The following IBA57 variants were observed in gnomAD, a reference collection of about 807,000 sequenced individuals.
The protein encoded by IBA57 is iron-sulfur cluster assembly factor IBA57.
IBA57 carries 20 observed loss-of-function variants against 20.4 expected under a neutral mutation model. The ratio of observed to expected loss-of-function variants is 0.98; its 90% CI spans 0.69 to 1.42. IBA57 has a LOEUF of 1.42. Among genes scored for constraint, IBA57 ranks in the 40% most tolerant of loss-of-function variants. IBA57 has a pLI of 0.00. For synonymous variants in IBA57, 310 were observed against 233.9 expected (o/e 1.33, Z -2.97); for missense variants, 608 against 499.3 (o/e 1.22, Z -2.07).
chr1:228,175,479 C>T lies in IBA57; in HGVS notation c.1037C>T (p.Ser346Phe). 4 of 1,587,614 alleles carry T rather than the reference C, an allele frequency of 2.5e-6. No individual in the cohort carries two copies. Among genetic ancestry groups the T allele is most frequent in the Non-Finnish European group, 3.4e-6 (4 of 1,164,452 alleles). Residue 346 changes from serine to phenylalanine, a missense_variant, in exon 3 of 3, where the codon TCT becomes TTT. Ser to Phe is a radical substitution (Grantham distance 155). Transcript: ENST00000366711. ...SEGAQVALAA[S>F]VPDWWPTVSK ...GGTGCCCAGGTGGCCTTAGCCGCATCTGTGCCAGACTGGTGGCCTACAGTC... is the reference window on the plus strand; with the variant it reads ...GGTGCCCAGGTGGCCTTAGCCGCATTTGTGCCAGACTGGTGGCCTACAGTC...
chr1:228,173,868 CAG>C (rs2034960406), intron 1 of IBA57, among the ~76,000 whole-genome samples: 1 of 152,224 alleles, frequency 6.6e-6, no homozygotes, highest in Non-Finnish European at 1.5e-5. Flanking sequence ...CCTGGGCAAA[CAG>C]GGTCTGTCTG....
Position 228,175,011 on chromosome 1 carries a change from C to T in IBA57, c.661C>T (p.Gln221Ter). The change falls in exon 2 of 3, where the codon CAG (glutamine) becomes TAG (stop). Residue 221 changes from glutamine (Q) to a stop codon, truncating the protein, a stop_gained. Transcript: ENST00000366711. LOFTEE classifies it low-confidence loss of function (END_TRUNC). ...GCTCGGGGACTTGTGGGATTATCAC[C>T]AGCACCGATACCTGCAAGGTATGGG... ...GRLGDLWDYH[Q>*]HRYLQGVPEG... The T allele has an allele frequency of 1.3e-6, 2 of 1,552,594 alleles. No individual in the cohort carries two copies. The highest frequency in any genetic ancestry group is 1.7e-4 in the Middle Eastern group (1 of 5,752).
chr1:228,168,795 A>C (rs2034887271), intron 1 of IBA57, among the ~76,000 whole-genome samples: 3 of 152,124 alleles, frequency 2.0e-5, no homozygotes, highest in Admixed American at 1.3e-4. Context: ...ATGTGACACA[A>C]CGTCACAGGC....
rs1364436691 is a variant in IBA57 at position 228,174,971 on chromosome 1, GGTGCCCGGGGGCCGGCTCGGGGACTT to G, written c.625_650del (p.Pro209GlyfsTer13). ...TCACCCAGGATGAAGGCCCAGCCCTGGTGCCCGGGGGCCGGCTCGGGGACTTGTGGGATTATCACCAGCACCGATAC... is the reference window on the plus strand; with the variant it reads ...TCACCCAGGATGAAGGCCCAGCCCTGGTGGGATTATCACCAGCACCGATAC... On this transcript the variant is annotated frameshift_variant, in exon 2 of 3. Coordinates refer to ENST00000366711, the MANE Select transcript of IBA57 (RefSeq NM_001010867.4). LOFTEE classifies it high-confidence loss of function. The G allele has an allele frequency of 7.7e-6, 12 of 1,558,576 alleles. No individual in the cohort carries two copies. The African/African-American group carries it at 1.5e-4, about 19-fold the overall frequency.
intron 1 of IBA57, chr1:228,172,890 G>C (rs548549392): frequency 1.9e-4 from 29 of 152,550 alleles, no homozygotes; most frequent in Non-Finnish European, 2.9e-4. Context: ...CTGCCCCTCT[G>C]TGCTGTCCTT....
In IBA57 at chr1:228,174,906, A is replaced by T; in HGVS notation, c.556A>T (p.Ile186Phe). Residue 186 changes from isoleucine (I) to phenylalanine (F), a missense_variant, in exon 2 of 3, where the codon ATC becomes TTC. Physicochemically the swap from Ile to Phe is conservative, Grantham distance 21. Transcript: ENST00000366711. ...GAGGGCAGGGGCTGCCGCCATCCTC[A>T]TCCGCGACCCGCGAACAGCACGCAT... The part of the protein sequence containing the change: ...QERAGAAAIL[I>F]RDPRTARMGW... 6.2e-7 allele frequency: 1 copy of T among 1,602,430 alleles called. No individual in the cohort carries two copies. The highest frequency in any genetic ancestry group is 8.5e-7 in the Non-Finnish European group (1 of 1,174,168).
In IBA57 at chr1:228,165,947, C is replaced by T. The variant is rs2034842767; in HGVS notation, c.131C>T (p.Ala44Val). 1.0e-5 allele frequency: 15 copies of T among 1,503,376 alleles called. No homozygotes were observed. Among genetic ancestry groups the T allele is most frequent in the African/African-American group, 1.4e-5 (1 of 69,102 alleles). The allele number at this position is 1,503,376 out of a possible 1,614,324, so 93.1% of individuals were successfully genotyped here. ...TGCAGTCCTGGTGGCGACCCAACGG[C>T]CGGAGCGGCCTGGGCCTGCTTCCGG... The part of the protein sequence containing the change: ...SSCSPGGDPT[A>V]GAAWACFRLD... Residue 44 changes from alanine (A) to valine (V), a missense_variant, in exon 1 of 3, where the codon GCC becomes GTC. Ala to Val is a moderately conservative substitution (Grantham distance 64, BLOSUM62 0). Coordinates refer to ENST00000366711, the MANE Select transcript of IBA57 (RefSeq NM_001010867.4).
intron 1 of IBA57, among the ~76,000 whole-genome samples, chr1:228,174,155 G>A (rs1180963835): frequency 7.2e-6 from 1 of 138,498 alleles, no homozygotes; most frequent in African/African-American, 2.8e-5. Context: ...CTGTGGGCGT[G>A]GCTCGCTGTG....
rs1241967184 is a variant in IBA57 at position 228,175,969 on chromosome 1, G to C, written c.*456G>C. ...CTCGGGCTTTGGGAGTTGTTTCACT[G>C]TGCTTGCTTCCAGCATGTCTCAGGG... On this transcript the variant is annotated 3_prime_UTR_variant, in exon 3 of 3. Coordinates refer to ENST00000366711, the MANE Select transcript of IBA57 (RefSeq NM_001010867.4). 1 of 163,098 alleles carries C rather than the reference G, an allele frequency of 6.1e-6. No homozygotes were observed. The highest frequency in any genetic ancestry group is 2.4e-5 in the African/African-American group (1 of 41,638). 10.1% of individuals were successfully genotyped at this position (163,098 alleles called of 1,614,324 possible).
chr1:228,180,146 ACT>A lies in IBA57; in HGVS notation c.*4636_*4637del, dbSNP rs2035084472. The A allele has an allele frequency of 8.7e-6, 1 of 115,488 alleles. No individual in the cohort carries two copies. Among genetic ancestry groups the A allele is most frequent in the Non-Finnish European group, 1.7e-5 (1 of 59,986 alleles). The allele number at this position is 115,488 out of a possible 1,614,324, so 7.2% of individuals were successfully genotyped here. A position where few individuals can be genotyped will look rare whatever the true frequency, so the allele number is the denominator to read the frequency against. ...ACTCCAGCCTGGGCAATAGAATGAG[ACT>A]CTGTCTCAAAAAAAAAAAAAAAAAA... On this transcript the variant is annotated 3_prime_UTR_variant, in exon 3 of 3. Coordinates refer to ENST00000366711, the MANE Select transcript of IBA57 (RefSeq NM_001010867.4).
rs1347308597 is a variant in IBA57 at position 228,170,546 on chromosome 1, G to C, written c.342-4146G>C. 3.9e-5 allele frequency among the ~76,000 whole-genome samples: 6 copies of C among 152,164 alleles called. No individual in the cohort carries two copies. In the East Asian group the frequency reaches 1.2e-3, roughly 29 times the overall value. ...GGGCTCAGGCGATTCTCCTGCCTCA[G>C]CTTCACAAAGTGTTGGGATTGCGGG... On this transcript the variant is annotated intron_variant, in intron 1 of 2. Transcript: ENST00000366711. The surrounding 1 kb of genome is among the most constrained non-coding windows in gnomAD (Gnocchi z 4.8).
chr1:228,174,740 C>G lies in IBA57; in HGVS notation c.390C>G (p.Ser130Arg), dbSNP rs770665164. The change falls in exon 2 of 3, where the codon AGC becomes AGG. Residue 130 changes from serine to arginine, a missense_variant. Physicochemically the swap from Ser to Arg is moderately radical, Grantham distance 110 (BLOSUM62 -1). Coordinates refer to ENST00000366711, the MANE Select transcript of IBA57 (RefSeq NM_001010867.4). ...CTGGCTTCCTTCTGGAGTGTGACAG[C>G]TCGGTGCAGGGCGCGCTGCAGAAGC... ...EVSGFLLECD[S>R]SVQGALQKHL... 21 of 1,590,874 alleles carry G rather than the reference C, an allele frequency of 1.3e-5. No individual in the cohort carries two copies. The highest frequency in any genetic ancestry group is 1.8e-5 in the Non-Finnish European group (21 of 1,171,534).
rs1410066183 is a variant in IBA57 at position 228,178,938 on chromosome 1, G to T, written c.*3425G>T. On this transcript the variant is annotated 3_prime_UTR_variant, in exon 3 of 3. Coordinates refer to ENST00000366711, the MANE Select transcript of IBA57 (RefSeq NM_001010867.4). ...TGATTTCCATGGGCTCCAAGCTGTAGGAGTGGTCCCTGGCTGCCAGAGTGC... is the reference window on the plus strand; with the variant it reads ...TGATTTCCATGGGCTCCAAGCTGTATGAGTGGTCCCTGGCTGCCAGAGTGC... 3.3e-5 allele frequency: 5 copies of T among 152,188 alleles called. No individual in the cohort carries two copies. The highest frequency in any genetic ancestry group is 1.5e-5 in the Non-Finnish European group (1 of 68,062). 9.4% of individuals were successfully genotyped at this position (152,188 alleles called of 1,614,324 possible). A position where few individuals can be genotyped will look rare whatever the true frequency, so the allele number is the denominator to read the frequency against.
rs2035044192 is a variant in IBA57, at chr1:228,177,465, T to G, written c.*1952T>G. 1 of 151,696 alleles carries G rather than the reference T, an allele frequency of 6.6e-6. No homozygotes were observed. Among genetic ancestry groups the G allele is most frequent in the Admixed American group, 6.6e-5 (1 of 15,108 alleles). The allele number at this position is 151,696 out of a possible 1,614,324, so 9.4% of individuals were successfully genotyped here. ...AATACTTGGTTCAGATCAAACACAT[T>G]TCGTGTTCTTCTGTGTCCTTTTTTT... is the stretch of plus-strand genomic sequence containing the variant. On this transcript the variant is annotated 3_prime_UTR_variant, in exon 3 of 3. Coordinates refer to ENST00000366711, the MANE Select transcript of IBA57 (RefSeq NM_001010867.4).
intron 1 of IBA57, among the ~76,000 whole-genome samples, chr1:228,171,026 C>T (rs1362309336): frequency 6.6e-6 from 1 of 152,204 alleles, no homozygotes; most frequent in Non-Finnish European, 1.5e-5. Flanking sequence ...CAAACAAAAG[C>T]ACAGGACACC....
In IBA57 at chr1:228,166,141, G is replaced by C. The variant is rs1558123341; in HGVS notation, c.325G>C (p.Asp109His). The change falls in exon 1 of 3, where the codon GAC (aspartate) becomes CAC (histidine). Residue 109 changes from aspartate (D) to histidine (H), a missense_variant. Coordinates refer to ENST00000366711, the MANE Select transcript of IBA57 (RefSeq NM_001010867.4). ...FLNVQGRTLY[D>H]VILYGLQEHS... Reference sequence around the variant, plus strand: ...GAACGTGCAGGGCCGGACGCTCTATGACGTCATCTTGTACGGGTGAGCGCG... The same window carrying C: ...GAACGTGCAGGGCCGGACGCTCTATCACGTCATCTTGTACGGGTGAGCGCG... The C allele has an allele frequency of 1.1e-5, 16 of 1,520,692 alleles. No homozygotes were observed. Among genetic ancestry groups the C allele is most frequent in the Non-Finnish European group, 1.4e-5 (16 of 1,135,526 alleles). 94.2% of individuals were successfully genotyped at this position (1,520,692 alleles called of 1,614,324 possible).
In IBA57 at chr1:228,175,315, T is replaced by G. The variant is rs1553264768; in HGVS notation, c.873T>G (p.Ser291Arg). ...GGTTCTTGGACCCCCTTCCCACCAGTGGCATCACCCCTGGTGCCACGGTGC... is the reference window on the plus strand; with the variant it reads ...GGTTCTTGGACCCCCTTCCCACCAGGGGCATCACCCCTGGTGCCACGGTGC... ...PVRFLDPLPTSGITPGATVLT... is the reference protein window; with the variant it reads ...PVRFLDPLPTRGITPGATVLT... The change falls in exon 3 of 3, where the codon AGT becomes AGG. Residue 291 changes from serine to arginine, a missense_variant. Coordinates refer to ENST00000366711, the MANE Select transcript of IBA57 (RefSeq NM_001010867.4). 2 of 1,612,550 alleles carry G rather than the reference T, an allele frequency of 1.2e-6. No individual in the cohort carries two copies. The highest frequency in any genetic ancestry group is 1.7e-5 in the Admixed American group (1 of 59,984).
chr1:228,174,782 G>T lies in IBA57; in HGVS notation c.432G>T (p.Arg144Ser), dbSNP rs2034983246. 1.9e-6 allele frequency: 3 copies of T among 1,611,002 alleles called. No individual in the cohort carries two copies. The highest frequency in any genetic ancestry group is 1.1e-5 in the South Asian group (1 of 90,894). ...GALQKHLALY[R>S]IRRKVTVEPH... ...TGCAGAAGCACCTCGCGCTATACAG[G>T]ATCCGGCGGAAGGTCACGGTGGAGC... Residue 144 changes from arginine (R) to serine (S), a missense_variant, in exon 2 of 3, where the codon AGG (arginine) becomes AGT (serine). Coordinates refer to ENST00000366711, the MANE Select transcript of IBA57 (RefSeq NM_001010867.4).
chr1:228,169,151 C>G (rs1355062869), intron 1 of IBA57, among the ~76,000 whole-genome samples: 1 of 152,144 alleles, frequency 6.6e-6, no homozygotes, highest in Admixed American at 6.5e-5. Context: ...TTTGCCCCCT[C>G]TGGTCACTCC....
Sources: allele counts gnomAD v4.1 joint callset (sites outside exome capture counted in the v4.1 genomes callset), GRCh38; gene constraint gnomAD v4.1.1; non-coding constraint Gnocchi (gnomAD v3.1); transcripts MANE v1.5; gene names NCBI Gene and HGNC (gene_info 2026-07-23, HGNC 2026-07-21).